ATRNL1: variants seen among roughly 807,000 people sequenced by gnomAD.
The protein encoded by ATRNL1 is attractin-like protein 1.
Under a neutral mutation model 182.7 loss-of-function variants are expected in ATRNL1, and 95 were observed. The observed-to-expected ratio is 0.52, with a 90% CI of 0.44 to 0.62. The LOEUF is 0.62. ATRNL1 is among the 20% of genes least tolerant of loss of function. ATRNL1 has a pLI of 0.00. For synonymous variants in ATRNL1, 576 were observed against 568.3 expected (o/e 1.01, Z -0.19); for missense variants, 1,471 against 1,679.5 (o/e 0.88, Z 2.17).
chr10:115,377,240 G>A (rs556256783), intron 19 of ATRNL1, among the ~76,000 whole-genome samples: 4 of 152,170 alleles, frequency 2.6e-5, no homozygotes, highest in Middle Eastern at 3.4e-3. Flanking sequence ...GAATCACGAC[G>A]GCAGTTTTTC....
chr10:115,617,869 C>G (rs1212546166), intron 26 of ATRNL1, among the ~76,000 whole-genome samples: 3 of 152,050 alleles, frequency 2.0e-5, no homozygotes, highest in Non-Finnish European at 4.4e-5. Context: ...GTGTTCCTAC[C>G]CAAAGCTCAT....
intron 27 of ATRNL1, among the ~76,000 whole-genome samples, chr10:115,785,906 T>A (rs1949385488): frequency 6.6e-6 from 1 of 152,158 alleles, no homozygotes; most frequent in South Asian, 2.1e-4. Context: ...CACAATTGAG[T>A]TGAACACAAC....
chr10:115,730,281 A>AG (rs1236727406), intron 27 of ATRNL1, among the ~76,000 whole-genome samples: 3 of 135,376 alleles, frequency 2.2e-5, no homozygotes, highest in South Asian at 2.4e-4. Context: ...AAAAAAAAAA[A>AG]AGAGAGAGAG....
intron 25 of ATRNL1, among the ~76,000 whole-genome samples, chr10:115,537,327 C>A (rs1379440445): frequency 2.0e-5 from 3 of 152,114 alleles, no homozygotes; most frequent in Non-Finnish European, 4.4e-5. Flanking sequence ...TTGCTTTACA[C>A]CTCAAACTTA....
intron 19 of ATRNL1, among the ~76,000 whole-genome samples, chr10:115,358,991 A>G (rs978429137): frequency 6.6e-6 from 1 of 151,646 alleles, no homozygotes; most frequent in Admixed American, 6.6e-5. Context: ...ACTCCTCCCT[A>G]TAAACCCAGG....
chr10:115,887,116 A>G (rs1226920559), intron 28 of ATRNL1, among the ~76,000 whole-genome samples: 1 of 152,194 alleles, frequency 6.6e-6, no homozygotes, highest in Non-Finnish European at 1.5e-5. Context: ...AGACCAACTG[A>G]ATCAGAATCT....
intron 26 of ATRNL1, among the ~76,000 whole-genome samples, chr10:115,625,001 G>A (rs112811392): frequency 5.0e-4 from 76 of 152,170 alleles, no homozygotes; most frequent in African/African-American, 1.8e-3. Context: ...AACCAAAGCA[G>A]GTATGGCCTT....
chr10:115,365,914 A>C lies in ATRNL1; in HGVS notation c.3176-28745A>C, dbSNP rs569271259. ...TTTGTTATAATCTCTGTTCTTTTAC[A>C]TTTGCTGAGGAGAGCTTTACTTCCA... On this transcript the variant is annotated intron_variant, in intron 19 of 28. Coordinates refer to ENST00000355044, the MANE Select transcript of ATRNL1 (RefSeq NM_207303.4). Among the ~76,000 whole-genome samples the C allele has an allele frequency of 4.8e-3, 730 of 152,166 alleles. 4 individuals are homozygous for C. Among genetic ancestry groups the C allele is most frequent in the African/African-American group, 0.017 (705 of 41,504 alleles).
intron 24 of ATRNL1, among the ~76,000 whole-genome samples, chr10:115,511,823 A>G (rs1162094908): frequency 6.6e-6 from 1 of 151,920 alleles, no homozygotes; most frequent in East Asian, 1.9e-4. Flanking sequence ...TTGAATTGAC[A>G]AAATGTATTA....
At chr10:115,715,342 G>T (rs1223468410) in intron 26 of ATRNL1, among the ~76,000 whole-genome samples, 1 of 152,070 alleles carries the variant, frequency 6.6e-6, no homozygotes, top group Non-Finnish European at 1.5e-5. Flanking sequence ...AACTTCTTGG[G>T]TATCATATAC....
At chr10:115,421,838 A>G (rs781897170) in intron 20 of ATRNL1, among the ~76,000 whole-genome samples, 7 of 152,170 alleles carry the variant, frequency 4.6e-5, no homozygotes, top group Non-Finnish European at 1.0e-4. Context: ...GTACTTATAC[A>G]AAGACAGACA....
At chr10:115,644,812 A>G (rs74161622) in intron 26 of ATRNL1, among the ~76,000 whole-genome samples, 3,415 of 152,262 alleles carry the variant, frequency 0.022, 119 homozygotes, top group African/African-American at 0.078. Context: ...CTTAGAAGCA[A>G]TATATCTGGG....
chr10:115,621,628 C>T (rs1165500812), intron 26 of ATRNL1, among the ~76,000 whole-genome samples: 1 of 151,940 alleles, frequency 6.6e-6, no homozygotes, highest in Non-Finnish European at 1.5e-5. Context: ...TGTGTAATTT[C>T]CTCATCAGTT....
At chr10:115,374,740 T>C (rs1191428084) in intron 19 of ATRNL1, among the ~76,000 whole-genome samples, 3 of 151,940 alleles carry the variant, frequency 2.0e-5, no homozygotes, top group Non-Finnish European at 4.4e-5. Context: ...TCTTTTTGTT[T>C]AGGAACAGAT....
intron 27 of ATRNL1, among the ~76,000 whole-genome samples, chr10:115,751,467 T>C (rs1555070612): frequency 6.6e-6 from 1 of 152,018 alleles, no homozygotes; most frequent in Non-Finnish European, 1.5e-5. Context: ...ACAGGCACTT[T>C]CATTTATTGT....
At chr10:115,531,140 C>T (rs1175905320) in intron 25 of ATRNL1, among the ~76,000 whole-genome samples, 65 of 149,874 alleles carry the variant, frequency 4.3e-4, no homozygotes, top group Middle Eastern at 3.4e-3. Context: ...TGGGTATATA[C>T]CCAGTAATGG....
chr10:115,472,916 G>C (rs1591525), intron 24 of ATRNL1, among the ~76,000 whole-genome samples: 104,665 of 150,830 alleles, frequency 0.69, 37,324 homozygotes, highest in African/African-American at 0.76. Flanking sequence ...TTGTTTCTTT[G>C]CTAAAATTAG....
At chr10:115,100,291 A>G (rs1843721785) in intron 1 of ATRNL1, among the ~76,000 whole-genome samples, 1 of 152,106 alleles carries the variant, frequency 6.6e-6, no homozygotes, top group Non-Finnish European at 1.5e-5. Context: ...CAGCAAGACC[A>G]TGTCTTTAAA....
chr10:115,541,408 C>T (rs1292503341), intron 25 of ATRNL1, among the ~76,000 whole-genome samples: 1 of 152,086 alleles, frequency 6.6e-6, no homozygotes, highest in Non-Finnish European at 1.5e-5. Flanking sequence ...CAAATAATAC[C>T]AAATGTTGGA....
Sources: gnomAD v4.1 joint callset for allele counts (sites outside exome capture counted in the v4.1 genomes callset) on GRCh38, gnomAD v4.1.1 for gene constraint, MANE v1.5 for transcripts, NCBI Gene and HGNC (gene_info 2026-07-23, HGNC 2026-07-21) for gene names.